ANKS1B: variants seen among roughly 807,000 people sequenced by gnomAD.
ANKS1B encodes ankyrin repeat and sterile alpha motif domain-containing protein 1B.
In ANKS1B, 36 loss-of-function variants were observed where a neutral mutation model predicts 148.3. The observed-to-expected ratio is 0.24, with a 90% CI of 0.19 to 0.32. The LOEUF (loss-of-function observed/expected upper bound fraction) is 0.32. Ranked by LOEUF, ANKS1B falls within the 10% of genes least tolerant of loss-of-function variation. The pLI is 1.00. For missense variants in ANKS1B, 1,157 were observed against 1,542.6 expected (o/e 0.75, Z 4.19); for synonymous variants, 542 against 560.8 (o/e 0.97, Z 0.47).
chr12:99,125,032 G>C (rs1408616456), intron 15 of ANKS1B, among the ~76,000 whole-genome samples: 1 of 152,124 alleles, frequency 6.6e-6, no homozygotes, highest in Non-Finnish European at 1.5e-5. Context: ...GCTATAAAGT[G>C]AGCTGAAAAA....
intron 17 of ANKS1B, among the ~76,000 whole-genome samples, chr12:98,925,474 A>G (rs553085270): frequency 1.3e-5 from 2 of 152,318 alleles, no homozygotes; most frequent in East Asian, 1.9e-4. Context: ...GCTAGTTCTG[A>G]CTGTTTTCAC....
In ANKS1B at chr12:99,268,607, A is replaced by G. The variant is rs551045889; in HGVS notation, c.1757-21743T>C. On this transcript the variant is annotated intron_variant, in intron 12 of 26. Coordinates refer to ENST00000683438, the MANE Select transcript of ANKS1B (RefSeq NM_001352186.2). ...TCAGAACTTTGAAAAGTTGGAGACA[A>G]AGGTAATGGGCATAAAATGACCCCC... Among the ~76,000 whole-genome samples the G allele has an allele frequency of 5.9e-5, 9 of 152,350 alleles. No homozygotes were observed. The South Asian group carries it at 8.3e-4, about 14-fold the overall frequency.
intron 10 of ANKS1B, among the ~76,000 whole-genome samples, chr12:99,459,249 A>G (rs986025876): frequency 2.0e-5 from 3 of 151,902 alleles, no homozygotes; most frequent in African/African-American, 7.2e-5. Flanking sequence ...ATTAGCATAA[A>G]GGTCATTCGT....
chr12:98,850,193 T>A (rs2099514684), intron 17 of ANKS1B, among the ~76,000 whole-genome samples: 2 of 152,234 alleles, frequency 1.3e-5, no homozygotes, highest in Non-Finnish European at 2.9e-5. Flanking sequence ...GTTCTTTATG[T>A]CTTTGTTAAA....
chr12:99,413,796 C>T (rs1260244988), intron 11 of ANKS1B, among the ~76,000 whole-genome samples: 1 of 152,088 alleles, frequency 6.6e-6, no homozygotes, highest in Non-Finnish European at 1.5e-5. Context: ...ACACTGCAAT[C>T]CCACATAGGA....
At chr12:99,544,965 G>A (rs1403638642) in intron 9 of ANKS1B, among the ~76,000 whole-genome samples, 6 of 152,050 alleles carry the variant, frequency 3.9e-5, no homozygotes, top group Non-Finnish European at 8.8e-5. Flanking sequence ...TCATCTGTGA[G>A]CCCTGGCTAC....
chr12:99,076,233 G>A (rs770676787), intron 16 of ANKS1B, among the ~76,000 whole-genome samples: 1 of 152,118 alleles, frequency 6.6e-6, no homozygotes, highest in South Asian at 2.1e-4. Flanking sequence ...AAACCCAGAC[G>A]AGGGTTGACA....
intron 10 of ANKS1B, among the ~76,000 whole-genome samples, chr12:99,478,007 A>G: frequency 6.6e-6 from 1 of 152,206 alleles, no homozygotes; most frequent in East Asian, 1.9e-4. Flanking sequence ...CACAATACAT[A>G]ATGTTTTTAA....
At chr12:98,893,074 A>T (rs1188894829) in intron 17 of ANKS1B, among the ~76,000 whole-genome samples, 1 of 152,150 alleles carries the variant, frequency 6.6e-6, no homozygotes, top group Non-Finnish European at 1.5e-5. Flanking sequence ...GGTTTTTTTA[A>T]AAAATATTTG....
Position 99,648,487 on chromosome 12 carries a change from C to G in ANKS1B, c.1272+6580G>C, listed in dbSNP as rs760326691. The G allele has an allele frequency of 5.6e-6, 9 of 1,614,008 alleles. No homozygotes were observed. The Admixed American group carries it at 1.5e-4, about 27-fold the overall frequency. ...CAATGCCAGGTGTGGTCCTGCCACC[C>G]AGAAAAGAGAAAGTCCGCCTGCAGA... On this transcript the variant is annotated intron_variant, in intron 9 of 26. Transcript: ENST00000683438.
chr12:98,885,460 C>T (rs2099737462), intron 17 of ANKS1B, among the ~76,000 whole-genome samples: 2 of 152,096 alleles, frequency 1.3e-5, no homozygotes, highest in Non-Finnish European at 2.9e-5. Context: ...CCTTATGTTT[C>T]CTTTTACTAC....
intron 15 of ANKS1B, among the ~76,000 whole-genome samples, chr12:99,119,573 C>T (rs1423189078): frequency 6.6e-6 from 1 of 152,130 alleles, no homozygotes; most frequent in Non-Finnish European, 1.5e-5. Flanking sequence ...TTTCTTTGTT[C>T]TGTGGGGGCT....
chr12:98,848,756 T>TTTTTTTTTTTTTTTTTTTTTAGGG, intron 17 of ANKS1B, among the ~76,000 whole-genome samples: 1 of 140,598 alleles, frequency 7.1e-6, no homozygotes, highest in East Asian at 2.1e-4. Flanking sequence ...TTTTTTTTTT[T>TTTTTTTTTTTTTTTTTTTTTAGGG]GAGACGGAGT....
Position 98,781,127 on chromosome 12 carries a change from G to A in ANKS1B, c.3431C>T (p.Ala1144Val). Residue 1144 changes from alanine (A) to valine (V), a missense_variant, in exon 24 of 27, where the codon GCA becomes GTA. Ala to Val is a moderately conservative substitution (Grantham distance 64, BLOSUM62 0). Coordinates refer to ENST00000683438, the MANE Select transcript of ANKS1B (RefSeq NM_001352186.2). Reference protein sequence around the residue: ...VSYKGVKFIDATNKNIIAEHE... With the variant: ...VSYKGVKFIDVTNKNIIAEHE... ...AGGAGTGGTACTTACCTTATTTGTT[G>A]CATCAATAAATTTGACTCCTTTATA... 6.4e-7 allele frequency: 1 copy of A among 1,566,910 alleles called. No homozygotes were observed. Among genetic ancestry groups the A allele is most frequent in the Non-Finnish European group, 8.7e-7 (1 of 1,150,998 alleles).
Position 99,772,905 on chromosome 12 carries a change from C to G in ANKS1B, c.1128+17G>C, listed in dbSNP as rs569400745. 1 of 1,602,344 alleles carries G rather than the reference C, an allele frequency of 6.2e-7. No homozygotes were observed. The highest frequency in any genetic ancestry group is 1.3e-5 in the African/African-American group (1 of 74,518). On this transcript the variant is annotated intron_variant, in intron 8 of 26. Coordinates refer to ENST00000683438, the MANE Select transcript of ANKS1B (RefSeq NM_001352186.2). ...AAAGACAGACACATTATCTTCATTC[C>G]CCCCCGCCTTACTTACTACACTCTG...
At chr12:99,151,548 A>C (rs866363919) in intron 15 of ANKS1B, among the ~76,000 whole-genome samples, 1 of 151,700 alleles carries the variant, frequency 6.6e-6, no homozygotes, top group Admixed American at 6.6e-5. Context: ...AAAACCAAAA[A>C]CAAAAAACAA....
intron 1 of ANKS1B, among the ~76,000 whole-genome samples, chr12:99,924,528 T>TTATG (rs879935376): frequency 3.9e-5 from 6 of 152,188 alleles, no homozygotes; most frequent in Non-Finnish European, 8.8e-5. Context: ...ATGGTATGAA[T>TTATG]GTTTGTGTTC....
chr12:99,665,267 G>A (rs946274298), intron 8 of ANKS1B, among the ~76,000 whole-genome samples: 3 of 152,050 alleles, frequency 2.0e-5, no homozygotes. Context: ...CACATTCTTG[G>A]CAACACTTAA....
intron 14 of ANKS1B, among the ~76,000 whole-genome samples, chr12:99,239,609 T>A (rs1026384909): frequency 6.6e-6 from 1 of 151,956 alleles, no homozygotes; most frequent in African/African-American, 2.4e-5. Flanking sequence ...CCAAGACACA[T>A]AATCATCAGA....
Sources: allele counts gnomAD v4.1 joint callset (sites outside exome capture counted in the v4.1 genomes callset), GRCh38; gene constraint gnomAD v4.1.1; transcripts MANE v1.5; gene names NCBI Gene and HGNC (gene_info 2026-07-23, HGNC 2026-07-21).